The following INSYN2B variants were observed in gnomAD, a reference collection of about 807,000 sequenced individuals.
INSYN2B encodes the protein inhibitory synaptic factor family member 2B.
A neutral mutation model predicts 41.2 loss-of-function variants in INSYN2B; 16 were observed. The observed-to-expected ratio is 0.39, with a 90% CI of 0.26 to 0.59. INSYN2B has a LOEUF of 0.59. INSYN2B is among the 20% of genes least tolerant of loss of function. The pLI is 0.57. For synonymous variants in INSYN2B, 245 were observed against 244.4 expected, an observed-to-expected ratio of 1.00 and a Z score of -0.02; for missense variants, 608 against 646.4, an observed-to-expected ratio of 0.94 and a Z score of 0.64.
rs112031353 is a variant in INSYN2B at position 169,862,433 on chromosome 5, C to T, written c.*1840G>A. On this transcript the variant is annotated 3_prime_UTR_variant, in exon 4 of 4. Coordinates refer to ENST00000377365, the MANE Select transcript of INSYN2B (RefSeq NM_001129891.3). ...ACATAAGAGGTCCCAAATGATTTCA[C>T]TTTATTGGATTATCCTCTATTCTGT... Among the ~76,000 whole-genome samples, 71 of 152,266 alleles carry T rather than the reference C, an allele frequency of 4.7e-4. 1 individual carries two copies. Among genetic ancestry groups the T allele is most frequent in the African/African-American group, 1.5e-3 (63 of 41,542 alleles).
At chr5:169,945,225 C>A (rs1776397797) in intron 1 of INSYN2B, among the ~76,000 whole-genome samples, 1 of 152,222 alleles carries the variant, frequency 6.6e-6, no homozygotes, top group Admixed American at 6.5e-5. Flanking sequence ...AGTCATGCAA[C>A]CTCTCCAGGA....
intron 1 of INSYN2B, among the ~76,000 whole-genome samples, chr5:169,902,663 A>G (rs1186049109): frequency 1.3e-5 from 2 of 152,142 alleles, no homozygotes; most frequent in East Asian, 1.9e-4. Context: ...TTCCACAGAG[A>G]GGGAAGCCTC....
intron 1 of INSYN2B, among the ~76,000 whole-genome samples, chr5:169,972,227 T>C (rs956586972): frequency 1.3e-5 from 2 of 152,256 alleles, no homozygotes; most frequent in African/African-American, 2.4e-5. Flanking sequence ...TCTACCCTCA[T>C]AGATTGTTCC....
chr5:169,903,849 C>T (rs1201447633), intron 1 of INSYN2B, among the ~76,000 whole-genome samples: 2 of 152,034 alleles, frequency 1.3e-5, no homozygotes, highest in African/African-American at 4.8e-5. Context: ...CCTGTAATCC[C>T]AGCACTTTGG....
chr5:169,962,613 T>G (rs1777138669), intron 1 of INSYN2B, among the ~76,000 whole-genome samples: 1 of 152,098 alleles, frequency 6.6e-6, no homozygotes, highest in African/African-American at 2.4e-5. Context: ...CCATGGTGGG[T>G]TAGACAAAGA....
At chr5:169,931,361 A>G (rs1775743741) in intron 1 of INSYN2B, among the ~76,000 whole-genome samples, 1 of 152,176 alleles carries the variant, frequency 6.6e-6, no homozygotes, top group African/African-American at 2.4e-5. Context: ...GCGTCTCTCA[A>G]AGGGCTTGCC....
At chr5:169,942,378 T>A (rs1015130838) in intron 1 of INSYN2B, among the ~76,000 whole-genome samples, 1 of 152,206 alleles carries the variant, frequency 6.6e-6, no homozygotes, top group Non-Finnish European at 1.5e-5. Flanking sequence ...TATGTAAAGA[T>A]GCCCAGAAAC....
At chr5:169,889,816 G>A (rs991843233) in intron 1 of INSYN2B, among the ~76,000 whole-genome samples, 2 of 152,170 alleles carry the variant, frequency 1.3e-5, no homozygotes, top group Admixed American at 6.6e-5. Context: ...ATTTGGCCTG[G>A]GAGCCATAGT....
Position 169,957,180 on chromosome 5 carries a change from T to C in INSYN2B, c.-919+23097A>G, listed in dbSNP as rs549793679. On this transcript the variant is annotated intron_variant, in intron 1 of 3. Transcript: ENST00000377365. ...TCATTGCCTGGTATGGAATGGGTAC[T>C]CAATAAATAATGGTGAATAAATGAA... 3.3e-5 allele frequency among the ~76,000 whole-genome samples: 5 copies of C among 152,340 alleles called. No individual in the cohort carries two copies. In the South Asian group the frequency reaches 1.0e-3, roughly 32 times the overall value.
intron 1 of INSYN2B, among the ~76,000 whole-genome samples, chr5:169,950,700 T>C (rs928778644): frequency 6.6e-6 from 1 of 152,232 alleles, no homozygotes; most frequent in Non-Finnish European, 1.5e-5. Context: ...ATTTTGTCGT[T>C]ATTCCTGGTA....
chr5:169,886,214 CAG>C (rs557662148), intron 1 of INSYN2B, among the ~76,000 whole-genome samples: 8 of 152,148 alleles, frequency 5.3e-5, no homozygotes, highest in Non-Finnish European at 1.2e-4. Flanking sequence ...ACAGAATGAG[CAG>C]AGTTTCATGA....
At chr5:169,934,159 G>T (rs1414393257) in intron 1 of INSYN2B, among the ~76,000 whole-genome samples, 3 of 152,154 alleles carry the variant, frequency 2.0e-5, no homozygotes, top group Non-Finnish European at 4.4e-5. Context: ...CCAATTAGGG[G>T]TTGGCAGTAA....
chr5:169,918,499 G>A (rs2113643087), intron 1 of INSYN2B, among the ~76,000 whole-genome samples: 1 of 152,306 alleles, frequency 6.6e-6, no homozygotes, highest in East Asian at 1.9e-4. Flanking sequence ...TCATCTCACA[G>A]TTAAAAGACT....
At chr5:169,889,098 A>T (rs1440894036) in intron 1 of INSYN2B, among the ~76,000 whole-genome samples, 1 of 152,220 alleles carries the variant, frequency 6.6e-6, no homozygotes, top group Non-Finnish European at 1.5e-5. Flanking sequence ...TGACACAGAG[A>T]GGGTCTTATA....
chr5:169,927,258 G>C (rs1775506912), intron 1 of INSYN2B, among the ~76,000 whole-genome samples: 1 of 152,182 alleles, frequency 6.6e-6, no homozygotes, highest in Non-Finnish European at 1.5e-5. Context: ...AGAGGTAGAA[G>C]CAGCCAGATC....
intron 1 of INSYN2B, among the ~76,000 whole-genome samples, chr5:169,942,067 G>A (rs1776265626): frequency 6.6e-6 from 1 of 152,238 alleles, no homozygotes; most frequent in Non-Finnish European, 1.5e-5. Context: ...GACATGAGAA[G>A]GATGTGGGCC....
At chr5:169,916,009 TC>T (rs1181936882) in intron 1 of INSYN2B, among the ~76,000 whole-genome samples, 1 of 152,220 alleles carries the variant, frequency 6.6e-6, no homozygotes, top group East Asian at 1.9e-4. Context: ...TTACAAATGT[TC>T]TCAGATTCTC....
chr5:169,886,045 T>C (rs1772950921), intron 1 of INSYN2B, among the ~76,000 whole-genome samples: 1 of 152,182 alleles, frequency 6.6e-6, no homozygotes, highest in South Asian at 2.1e-4. Flanking sequence ...CTGCATGATA[T>C]GTTGACAGTT....
At chr5:169,978,048 G>A (rs574797417) in intron 1 of INSYN2B, among the ~76,000 whole-genome samples, 10 of 152,148 alleles carry the variant, frequency 6.6e-5, no homozygotes, top group East Asian at 1.9e-4. Flanking sequence ...AGCCTCCCTC[G>A]GCAAACTTTC....
Sources: allele counts gnomAD v4.1 joint callset (sites outside exome capture counted in the v4.1 genomes callset), GRCh38; gene constraint gnomAD v4.1.1; transcripts MANE v1.5; gene names NCBI Gene and HGNC (gene_info 2026-07-23, HGNC 2026-07-21).